The following DNAH5 variants were observed in gnomAD, a reference collection of about 807,000 sequenced individuals.
The protein encoded by DNAH5 is axonemal beta dynein heavy chain 5.
In DNAH5, 372 loss-of-function variants were observed where a neutral mutation model predicts 518.2. The observed-to-expected ratio is 0.72, with a 90% confidence interval of 0.66 to 0.78. The LOEUF (loss-of-function observed/expected upper bound fraction) is 0.78, where lower values mean the gene tolerates loss of function less well. Ranked by LOEUF, DNAH5 falls within the 30% of genes least tolerant of loss-of-function variation. DNAH5 has a pLI of 0.00. For synonymous variants in DNAH5, 2,039 were observed against 2,025.9 expected (o/e 1.01, Z -0.17); for missense variants, 5,523 against 5,687.0 (o/e 0.97, Z 0.93).
At chr5:13,916,212 T>C (rs1310734243) in intron 9 of DNAH5, 136 bp downstream of exon 9, 8 of 385,504 alleles carry the variant, frequency 2.1e-5, no homozygotes, top group South Asian at 1.3e-4. Flanking sequence ...TCTATCTCTA[T>C]TGATAGCCTA....
chr5:13,703,470 T>C lies in DNAH5; in HGVS notation c.13339-2034A>G, dbSNP rs558421158. On this transcript the variant is annotated intron_variant, in intron 76 of 78. Coordinates refer to ENST00000265104, the MANE Select transcript of DNAH5 (RefSeq NM_001369.3). ...CAAGTAAGTGCATACTCAAAACCCA[T>C]AGACTACCTTTATTTACTTTCATTA... 1.4e-4 allele frequency among the ~76,000 whole-genome samples: 21 copies of C among 152,292 alleles called. No homozygotes were observed. In the South Asian group the frequency reaches 3.1e-3, roughly 23 times the overall value.
chr5:13,999,242 A>G (rs934053160), intron 1 of DNAH5, among the ~76,000 whole-genome samples: 1 of 152,244 alleles, frequency 6.6e-6, no homozygotes, highest in Admixed American at 6.5e-5. Context: ...TACCCTTTCA[A>G]CAAATTTTCA....
At chr5:13,963,783 G>T (rs1781347560) in intron 1 of DNAH5, among the ~76,000 whole-genome samples, 1 of 152,070 alleles carries the variant, frequency 6.6e-6, no homozygotes, top group Non-Finnish European at 1.5e-5. Context: ...GGAACTCCTG[G>T]ACTCAAATGA....
intron 1 of DNAH5, 85 bp downstream of exon 1, chr5:13,944,291 TTGAACC>T: frequency 1.6e-6 from 2 of 1,284,132 alleles, no homozygotes; most frequent in Non-Finnish European, 2.3e-6. Flanking sequence ...GTGTGTGACT[TTGAACC>T]TTTTTCAAGT....
intron 28 of DNAH5, among the ~76,000 whole-genome samples, chr5:13,863,897 A>T (rs1257522758): frequency 6.6e-6 from 1 of 152,078 alleles, no homozygotes; most frequent in Non-Finnish European, 1.5e-5. Flanking sequence ...CCTCAGCCAC[A>T]TGGGCCTTCT....
intron 56 of DNAH5, among the ~76,000 whole-genome samples, chr5:13,770,123 G>A (rs190539976): frequency 1.3e-4 from 20 of 152,242 alleles, no homozygotes; most frequent in African/African-American, 4.3e-4. Flanking sequence ...GGAACCCTCC[G>A]AGTCATTTCG....
intron 53 of DNAH5, among the ~76,000 whole-genome samples, chr5:13,778,170 C>T (rs1004352507): frequency 2.0e-5 from 3 of 151,994 alleles, no homozygotes; most frequent in Non-Finnish European, 4.4e-5. Context: ...TTAACTCTAC[C>T]TTTTTCTAAC....
rs1747130206 is a variant in DNAH5, at chr5:13,734,832, A to G, written c.11761+299T>C. Among the ~76,000 whole-genome samples the G allele has an allele frequency of 2.6e-5, 4 of 151,262 alleles. No homozygotes were observed. The South Asian group carries it at 6.3e-4, about 24-fold the overall frequency. On this transcript the variant is annotated intron_variant, in intron 68 of 78. Transcript: ENST00000265104. Reference sequence around the variant, plus strand: ...TTTCCATAGGACTTACCATCTTCCCACTCACTATAAAATTCATTTATTATT... The same window carrying G: ...TTTCCATAGGACTTACCATCTTCCCGCTCACTATAAAATTCATTTATTATT...
intron 16 of DNAH5, among the ~76,000 whole-genome samples, chr5:13,892,965 T>C (rs986605169): frequency 1.3e-5 from 2 of 152,210 alleles, no homozygotes; most frequent in Non-Finnish European, 2.9e-5. Flanking sequence ...ATCATTTGTC[T>C]TTGAGTCCAG....
In DNAH5 at chr5:13,752,135, T is replaced by C. The variant is rs1471808430; in HGVS notation, c.11027A>G (p.Lys3676Arg). 1 of 1,613,786 alleles carries C rather than the reference T, an allele frequency of 6.2e-7. No homozygotes were observed. The highest frequency in any genetic ancestry group is 8.5e-7 in the Non-Finnish European group (1 of 1,179,866). ...RNFIKTGSTF[K>R]VKVGDKEVDV... is the part of the protein sequence containing the mutation. Reference sequence around the variant, plus strand: ...TTGTCATCCATAGGTTTAACCTACCTTAAAGGTAGACCCAGTTTTAATGAA... The same window carrying C: ...TTGTCATCCATAGGTTTAACCTACCCTAAAGGTAGACCCAGTTTTAATGAA... Residue 3676 changes from lysine (K) to arginine (R), a missense_variant and splice_region_variant, in exon 64 of 79, where the codon AAG becomes AGG. Lys to Arg is a conservative substitution (Grantham distance 26). Coordinates refer to ENST00000265104, the MANE Select transcript of DNAH5 (RefSeq NM_001369.3).
In DNAH5 at chr5:13,810,765, C is replaced by A. The variant is rs201494130; in HGVS notation, c.7408-505G>T. Among the ~76,000 whole-genome samples, 288 of 146,356 alleles carry A rather than the reference C, an allele frequency of 2.0e-3. 4 individuals are homozygous for A. Among genetic ancestry groups the A allele is most frequent in the African/African-American group, 6.8e-3 (264 of 38,632 alleles). ...CGAGACTCCATGTCAAAAAACAAAA[C>A]AAACAAACAAAAAAACAGGGTTTAT... On this transcript the variant is annotated intron_variant, in intron 44 of 78. Transcript: ENST00000265104.
intron 65 of DNAH5, among the ~76,000 whole-genome samples, chr5:13,741,477 G>A (rs1206794785): frequency 6.6e-6 from 1 of 152,008 alleles, no homozygotes; most frequent in Non-Finnish European, 1.5e-5. Context: ...TCCCTTAGTG[G>A]TTATTTCAAT....
rs1462731565 is a variant in DNAH5 at position 13,793,543 on chromosome 5, G to A, written c.8196C>T (p.Pro2732=). ...AGATCTTGTCCACAGAAGCTTCAGA[G>A]GGCAACGTGCAATTAAATATAGAGA... ...RQFSIFNCTL[P]SEASVDKIFG... The change falls in exon 49 of 79, where the codon CCC becomes CCT. Residue 2732 remains proline (P), a synonymous_variant. Transcript: ENST00000265104. The A allele has an allele frequency of 1.2e-6, 2 of 1,613,948 alleles. No individual in the cohort carries two copies. The highest frequency in any genetic ancestry group is 1.7e-6 in the Non-Finnish European group (2 of 1,179,928).
intron 22 of DNAH5, among the ~76,000 whole-genome samples, chr5:13,874,213 T>G (rs1191027637): frequency 1.3e-5 from 2 of 152,186 alleles, no homozygotes; most frequent in Admixed American, 1.3e-4. Flanking sequence ...CATATTCACA[T>G]ATGTATGATG....
intron 1 of DNAH5, among the ~76,000 whole-genome samples, chr5:13,991,997 T>A (rs1281759871): frequency 6.6e-6 from 1 of 152,070 alleles, no homozygotes; most frequent in African/African-American, 2.4e-5. Flanking sequence ...TAAACAGTAA[T>A]CTTCAGATAA....
In DNAH5 at chr5:13,844,950, C is replaced by T. The variant is rs778341195; in HGVS notation, c.5158G>A (p.Val1720Ile). ...ATCTCTAGAAGGGCAGGATCTGAGA[C>T]GAAGAAAAACCGAGGAAAGCACAGT... ...KRLCFPRFFF[V>I]SDPALLEILG... The change falls in exon 32 of 79, where the codon GTC becomes ATC. Residue 1720 changes from valine (V) to isoleucine (I), a missense_variant. Transcript: ENST00000265104. The T allele has an allele frequency of 5.0e-6, 8 of 1,613,832 alleles. No homozygotes were observed. Among genetic ancestry groups the T allele is most frequent in the South Asian group, 3.3e-5 (3 of 91,086 alleles).
In DNAH5 at chr5:13,929,495, TTAC is replaced by T. The variant is rs1778210985; in HGVS notation, c.193-1320_193-1318del. On this transcript the variant is annotated intron_variant, in intron 2 of 78. Transcript: ENST00000265104. Reference sequence around the variant, plus strand: ...ATGGTGAATTTTATGTTATGTGTATTTACTACATCTTAAAATAATGTTTTTAAA... The same window carrying T: ...ATGGTGAATTTTATGTTATGTGTATTTACATCTTAAAATAATGTTTTTAAA... Among the ~76,000 whole-genome samples, 3 of 152,226 alleles carry T rather than the reference TTAC, an allele frequency of 2.0e-5. No individual in the cohort carries two copies. The South Asian group carries it at 6.2e-4, about 32-fold the overall frequency.
At chr5:13,976,794 T>C (rs1183782638) in intron 1 of DNAH5, among the ~76,000 whole-genome samples, 1 of 151,566 alleles carries the variant, frequency 6.6e-6, no homozygotes, top group African/African-American at 2.4e-5. Flanking sequence ...GGTCTCAGAA[T>C]ACATTCCCGG....
At chr5:13,948,595 G>T (rs1780115152), upstream of DNAH5, among the ~76,000 whole-genome samples, 1 of 152,102 alleles carries the variant, frequency 6.6e-6, no homozygotes, top group Admixed American at 6.6e-5. Flanking sequence ...TTGGAGACTG[G>T]AATTCAACAG....
Sources: allele counts gnomAD v4.1 joint callset (sites outside exome capture counted in the v4.1 genomes callset), GRCh38; gene constraint gnomAD v4.1.1; transcripts MANE v1.5; gene names NCBI Gene and HGNC (gene_info 2026-07-23, HGNC 2026-07-21).